Variants in CYP27C1 observed in about 807,000 individuals in gnomAD.
CYP27C1 encodes cytochrome P450 27C1.
CYP27C1 carries 29 observed loss-of-function variants against 40.6 expected under a neutral mutation model. That is an observed-to-expected ratio of 0.71 (90% CI 0.53 to 0.97). The LOEUF (loss-of-function observed/expected upper bound fraction) is 0.97, where lower values mean the gene tolerates loss of function less well. Ranked by LOEUF, CYP27C1 falls within the 50% of genes least tolerant of loss-of-function variation. The pLI, the probability that CYP27C1 is intolerant of heterozygous loss-of-function variation, is 0.00. For missense variants in CYP27C1, 390 were observed against 485.8 expected (o/e 0.80, Z 1.85); for synonymous variants, 198 against 186.8 (o/e 1.06, Z -0.49).
intron 2 of CYP27C1, among the ~76,000 whole-genome samples, chr2:127,203,945 T>A (rs1278827427): frequency 6.6e-6 from 1 of 151,626 alleles, no homozygotes; most frequent in Non-Finnish European, 1.5e-5. Context: ...TATGTATATA[T>A]AAATGAAGTA....
rs1261106815 is a variant in CYP27C1 at position 127,187,275 on chromosome 2, T to C, written c.1610A>G (p.Lys537Arg). The C allele has an allele frequency of 1.2e-6, 2 of 1,614,044 alleles. No individual in the cohort carries two copies. Among genetic ancestry groups the C allele is most frequent in the Non-Finnish European group, 1.7e-6 (2 of 1,179,890 alleles). The part of the protein sequence containing the change: ...GPIHVRFVNR[K>R] ...GCCCAGGTTTAAAATCTAGGCTTAC[T>C]TTCTGTTAACAAATCGCACGTGGAT... The change falls in exon 9 of 9, where the codon AAG becomes AGG. Residue 537 changes from lysine (K) to arginine (R), a missense_variant. Physicochemically the swap from Lys to Arg is conservative, Grantham distance 26. Coordinates refer to ENST00000664447, the MANE Select transcript of CYP27C1 (RefSeq NM_001367502.1).
At chr2:127,199,044 G>A (rs771184266) in intron 5 of CYP27C1, among the ~76,000 whole-genome samples, 12 of 152,208 alleles carry the variant, frequency 7.9e-5, no homozygotes, top group Non-Finnish European at 1.6e-4. Flanking sequence ...CAGCACTTTG[G>A]GAGGCCAAGG....
chr2:127,212,546 A>G (rs1683358869), intron 1 of CYP27C1, among the ~76,000 whole-genome samples: 1 of 152,228 alleles, frequency 6.6e-6, no homozygotes. Context: ...CATCACATAA[A>G]CAGAACCAAG....
rs528927786 is a variant in CYP27C1 at position 127,208,863 on chromosome 2, T to C, written c.283-2773A>G. Among the ~76,000 whole-genome samples the C allele has an allele frequency of 6.6e-6, 1 of 152,132 alleles. No individual in the cohort carries two copies. The highest frequency in any genetic ancestry group is 2.4e-5 in the African/African-American group (1 of 41,418). On this transcript the variant is annotated intron_variant, in intron 1 of 8. Transcript: ENST00000664447. This position sits in a 1 kb window ranked among gnomAD's most constrained non-coding sequence, Gnocchi z 5.2. ...GACAGAACTCTGATCTCCCTGGGCC[T>C]GAGCCCTTGGGGAAGGGGTGGCCAC...
rs1683518799 is a variant in CYP27C1, at chr2:127,220,093, C to T, written c.178G>A (p.Ala60Thr). ...GCGGCGAGGCTCCGGGGACCCTCGG[C>T]TCGGCCCCCTCCCGGCGGCGACCCC... ...RPGSPPGGGR[A>T]EGPRSLAAMP... is the part of the protein sequence containing the mutation. The change falls in exon 1 of 9, where the codon GCC becomes ACC. Residue 60 changes from alanine to threonine, a missense_variant. Coordinates refer to ENST00000664447, the MANE Select transcript of CYP27C1 (RefSeq NM_001367502.1). The surrounding 1 kb of genome is among the most constrained non-coding windows in gnomAD (Gnocchi z 4.6). 1 of 151,230 alleles carries T rather than the reference C, an allele frequency of 6.6e-6. No homozygotes were observed. The highest frequency in any genetic ancestry group is 1.5e-5 in the Non-Finnish European group (1 of 67,778). 9.4% of individuals were successfully genotyped at this position (151,230 alleles called of 1,614,324 possible).
rs1400443630 is a variant in CYP27C1, at chr2:127,196,495, C to G, written c.1048-994G>C. 2.0e-5 allele frequency among the ~76,000 whole-genome samples: 3 copies of G among 150,764 alleles called. No individual in the cohort carries two copies. Among genetic ancestry groups the G allele is most frequent in the Non-Finnish European group, 4.4e-5 (3 of 67,868 alleles). The stretch of plus-strand genomic sequence containing the variant: ...GGACTACATTTCACTCTCTAGTAAA[C>G]AAGGAAATGCCACAGTATAAAGGCC... On this transcript the variant is annotated intron_variant, in intron 5 of 8. Coordinates refer to ENST00000664447, the MANE Select transcript of CYP27C1 (RefSeq NM_001367502.1). The surrounding 1 kb of genome is among the most constrained non-coding windows in gnomAD (Gnocchi z 4.5).
Position 127,203,572 on chromosome 2 carries a change from C to T in CYP27C1, c.474-1G>A. On this transcript the variant is annotated splice_acceptor_variant, in intron 2 of 8. Coordinates refer to ENST00000664447, the MANE Select transcript of CYP27C1 (RefSeq NM_001367502.1). LOFTEE classifies it high-confidence loss of function. ...CATCTTGAGCCACTGTTCACCCTCC[C>T]TAGAAGAATCAAGTGAGTTTCAAAT... The T allele has an allele frequency of 2.5e-6, 4 of 1,607,652 alleles. No individual in the cohort carries two copies. Among genetic ancestry groups the T allele is most frequent in the Non-Finnish European group, 3.4e-6 (4 of 1,178,556 alleles).
rs1189851608 is a variant in CYP27C1 at position 127,196,353 on chromosome 2, G to A, written c.1048-852C>T. The stretch of plus-strand genomic sequence containing the variant: ...TGGGATTACAGGCGTGAGCCACCAC[G>A]CCCGGTCAGCCATGTCATTTTTTAT... On this transcript the variant is annotated intron_variant, in intron 5 of 8. Coordinates refer to ENST00000664447, the MANE Select transcript of CYP27C1 (RefSeq NM_001367502.1). The surrounding 1 kb of genome is among the most constrained non-coding windows in gnomAD (Gnocchi z 4.5). Among the ~76,000 whole-genome samples the A allele has an allele frequency of 1.3e-5, 2 of 152,094 alleles. No homozygotes were observed. Among genetic ancestry groups the A allele is most frequent in the African/African-American group, 2.4e-5 (1 of 41,424 alleles).
chr2:127,204,566 A>G (rs1470903564), intron 2 of CYP27C1, among the ~76,000 whole-genome samples: 1 of 68,302 alleles, frequency 1.5e-5, no homozygotes, highest in African/African-American at 6.9e-5. Context: ...AGAAAGAAAG[A>G]AAGAAAGAAA....
At chr2:127,213,586 A>G (rs1252636691) in intron 1 of CYP27C1, among the ~76,000 whole-genome samples, 1 of 152,244 alleles carries the variant, frequency 6.6e-6, no homozygotes, top group Non-Finnish European at 1.5e-5. Flanking sequence ...TATTCAGTAT[A>G]TGGTGCTGGG....
At chr2:127,212,702 C>T (rs2104700259) in intron 1 of CYP27C1, among the ~76,000 whole-genome samples, 1 of 152,260 alleles carries the variant, frequency 6.6e-6, no homozygotes, top group African/African-American at 2.4e-5. Context: ...AAACCCACAG[C>T]CAATATCATA....
chr2:127,192,033 C>T (rs1682786591), intron 8 of CYP27C1, among the ~76,000 whole-genome samples: 4 of 152,198 alleles, frequency 2.6e-5, no homozygotes, highest in African/African-American at 4.8e-5. Flanking sequence ...TCCAGAATCC[C>T]TCTACCCCTC....
At chr2:127,216,269 G>A (rs188724352) in intron 1 of CYP27C1, among the ~76,000 whole-genome samples, 1 of 152,276 alleles carries the variant, frequency 6.6e-6, no homozygotes. Context: ...ATTCATTACG[G>A]CTAAAAGGTG....
At chr2:127,197,161 C>A (rs2134798) in intron 5 of CYP27C1, among the ~76,000 whole-genome samples, 38 of 152,342 alleles carry the variant, frequency 2.5e-4, no homozygotes, top group Admixed American at 9.1e-4. Context: ...TCATTGATTT[C>A]TTCACCTTTC....
At position 127,201,775 on chromosome 2, in the gene CYP27C1, C is replaced by A. The variant is rs1683040776; in HGVS notation, c.674-444G>T. On this transcript the variant is annotated intron_variant, in intron 3 of 8. Transcript: ENST00000664447. The surrounding 1 kb of genome is among the most constrained non-coding windows in gnomAD (Gnocchi z 6.0). ...GCAAACCTCACATGGCCTCTCCCTG[C>A]CCCACCTGGCCACTGGGGATCGCCT... is the stretch of plus-strand genomic sequence containing the variant. Among the ~76,000 whole-genome samples, 1 of 152,160 alleles carries A rather than the reference C, an allele frequency of 6.6e-6. No homozygotes were observed. Among genetic ancestry groups the A allele is most frequent in the African/African-American group, 2.4e-5 (1 of 41,438 alleles).
At chr2:127,198,128 T>C (rs555168634) in intron 5 of CYP27C1, among the ~76,000 whole-genome samples, 54 of 152,054 alleles carry the variant, frequency 3.6e-4, no homozygotes, top group African/African-American at 1.2e-3. Flanking sequence ...CCCTCCCTGG[T>C]CCCAGTGTAT....
At position 127,186,267 on chromosome 2, in the gene CYP27C1, A is replaced by T. The variant is rs1682622396; in HGVS notation, c.*1004T>A. On this transcript the variant is annotated 3_prime_UTR_variant, in exon 9 of 9. Coordinates refer to ENST00000664447, the MANE Select transcript of CYP27C1 (RefSeq NM_001367502.1). This position sits in a 1 kb window ranked among gnomAD's most constrained non-coding sequence, Gnocchi z 4.5. ...TTTTTTATTTATTTATTATTTATTTATTATTTATTTCTTCCAAATAAAAAC... is the reference window on the plus strand; with the variant it reads ...TTTTTTATTTATTTATTATTTATTTTTTATTTATTTCTTCCAAATAAAAAC... The T allele has an allele frequency of 6.6e-6, 1 of 150,686 alleles. No individual in the cohort carries two copies. The highest frequency in any genetic ancestry group is 2.4e-5 in the African/African-American group (1 of 41,032). 9.3% of individuals were successfully genotyped at this position (150,686 alleles called of 1,614,324 possible). A position where few individuals can be genotyped will look rare whatever the true frequency, so the allele number is the denominator to read the frequency against.
rs1270089247 is a variant in CYP27C1 at position 127,204,516 on chromosome 2, G to GGAAAGAAA, written c.474-953_474-946dup. ...AGGAAGGAAGGAAGGAAAGAAAGAA[G>GGAAAGAAA]GAAAGAAAGAAAGAAAGAAAGAGAG... On this transcript the variant is annotated intron_variant, in intron 2 of 8. Transcript: ENST00000664447. 3.6e-5 allele frequency among the ~76,000 whole-genome samples: 2 copies of GGAAAGAAA among 55,932 alleles called. 1 individual carries two copies. Among genetic ancestry groups the GGAAAGAAA allele is most frequent in the African/African-American group, 1.4e-4 (2 of 14,304 alleles). 36.7% of individuals were successfully genotyped at this position (55,932 alleles called of 152,430 possible).
At chr2:127,214,782 G>GTTT (rs57262340) in intron 1 of CYP27C1, among the ~76,000 whole-genome samples, 1 of 92,376 alleles carries the variant, frequency 1.1e-5, no homozygotes, top group South Asian at 3.3e-4. Context: ...TCCGTTTTTT[G>GTTT]TTTTTTTTTT....
Sources: allele counts gnomAD v4.1 joint callset (sites outside exome capture counted in the v4.1 genomes callset), GRCh38; gene constraint gnomAD v4.1.1; non-coding constraint Gnocchi (gnomAD v3.1); transcripts MANE v1.5; gene names NCBI Gene and HGNC (gene_info 2026-07-23, HGNC 2026-07-21).